The following GSAP variants were observed in gnomAD, a reference collection of about 807,000 sequenced individuals.
GSAP encodes the protein gamma-secretase activating protein.
A neutral mutation model predicts 131.7 loss-of-function variants in GSAP; 118 were observed. The observed-to-expected ratio is 0.90, with a 90% CI of 0.77 to 1.04. The LOEUF is 1.04. GSAP is among the 50% of genes least tolerant of loss of function. The pLI is 0.00. For missense variants in GSAP, 1,019 were observed against 1,013.2 expected (o/e 1.01, Z -0.08); for synonymous variants, 381 against 363.4 (o/e 1.05, Z -0.55).
At chr7:77,405,959 A>G in intron 2 of GSAP, 70 bp downstream of exon 2, 1 of 588,100 alleles carries the variant, frequency 1.7e-6, no homozygotes, top group Non-Finnish European at 2.6e-6. Flanking sequence ...AATTCTGTAA[A>G]AAGAGAATAT....
chr7:77,408,059 A>G (rs1802608132), intron 1 of GSAP, among the ~76,000 whole-genome samples: 1 of 152,238 alleles, frequency 6.6e-6, no homozygotes, highest in Admixed American at 6.5e-5. Context: ...ACAGTGTTAG[A>G]TAAGTGACTG....
At chr7:77,351,751 AACATGTGGCTCAGTCTTTTAAC>A in intron 18 of GSAP, 1 of 983,576 alleles carries the variant, frequency 1.0e-6, no homozygotes, top group Non-Finnish European at 1.2e-6. Flanking sequence ...ACATCCAATT[AACATGTGGCTCAGTCTTTTAAC>A]ACAACCCTGG....
In GSAP at chr7:77,353,889, C is replaced by T. The variant is rs141184338; in HGVS notation, c.1339-248G>A. ...TCTCCTTGGCTGGAAACCAAATAAA[C>T]GTTCCTCAACCTAACGTTTGTGCAA... On this transcript the variant is annotated intron_variant, in intron 16 of 30. Transcript: ENST00000257626. Among the ~76,000 whole-genome samples, 450 of 152,218 alleles carry T rather than the reference C, an allele frequency of 3.0e-3. 4 individuals are homozygous for T. The highest frequency in any genetic ancestry group is 9.8e-3 in the African/African-American group (408 of 41,528).
intron 19 of GSAP, among the ~76,000 whole-genome samples, chr7:77,345,874 C>T (rs938538424): frequency 2.6e-5 from 4 of 152,172 alleles, no homozygotes; most frequent in African/African-American, 4.8e-5. Context: ...CCTGGACGCA[C>T]GTGACATCCC....
At chr7:77,398,336 A>T (rs1800772370) in intron 3 of GSAP, among the ~76,000 whole-genome samples, 1 of 152,208 alleles carries the variant, frequency 6.6e-6, no homozygotes, top group Non-Finnish European at 1.5e-5. Flanking sequence ...ACAGAAAGTG[A>T]ACTTTCAGTT....
chr7:77,389,706 C>A (rs1473041035), intron 5 of GSAP, among the ~76,000 whole-genome samples: 1 of 152,124 alleles, frequency 6.6e-6, no homozygotes, highest in Non-Finnish European at 1.5e-5. Context: ...GGGTTGGTTC[C>A]AAGTCTTTGC....
At chr7:77,345,093 C>T (rs546956007) in intron 19 of GSAP, among the ~76,000 whole-genome samples, 3 of 152,222 alleles carry the variant, frequency 2.0e-5, no homozygotes, top group Non-Finnish European at 4.4e-5. Context: ...CCCTTGGGCA[C>T]TCTCTAATTG....
rs761059780 is a variant in GSAP at position 77,312,127 on chromosome 7, G to A, written c.2347C>T (p.Arg783Ter). The A allele has an allele frequency of 1.3e-5, 21 of 1,598,256 alleles. No homozygotes were observed. The highest frequency in any genetic ancestry group is 2.7e-5 in the African/African-American group (2 of 74,002). The change falls in exon 29 of 31, where the codon CGA becomes TGA. Residue 783 changes from arginine (R) to a stop codon, truncating the protein, a stop_gained. Coordinates refer to ENST00000257626, the MANE Select transcript of GSAP (RefSeq NM_017439.4). LOFTEE classifies it high-confidence loss of function. Reference protein sequence around the residue: ...SNIISRNHVTRLLQNYKKQPR... With the variant: ...SNIISRNHVT ...TGTTTCTTATAGTTCTGAAGCAGTC[G>A]CGTCACGTGGTTCCGCGAAATGATG...
At position 77,347,822 on chromosome 7, in the gene GSAP, T is replaced by G. The variant is rs80233450; in HGVS notation, c.1545+1529A>C. On this transcript the variant is annotated intron_variant, in intron 19 of 30. Transcript: ENST00000257626. ...GGAACTGTAGAATTATGGATGATATTTCTTTCAAAATTTTTCTTCACTGGT... is the reference window on the plus strand; with the variant it reads ...GGAACTGTAGAATTATGGATGATATGTCTTTCAAAATTTTTCTTCACTGGT... Among the ~76,000 whole-genome samples the G allele has an allele frequency of 3.8e-3, 585 of 152,116 alleles. 3 individuals carry two copies. The highest frequency in any genetic ancestry group is 0.013 in the African/African-American group (558 of 41,510).
chr7:77,316,832 C>T (rs1795014908), intron 26 of GSAP, among the ~76,000 whole-genome samples: 1 of 152,168 alleles, frequency 6.6e-6, no homozygotes, highest in South Asian at 2.1e-4. Flanking sequence ...AACTTTAATC[C>T]TCATCTTCCA....
chr7:77,358,208 G>C (rs1027282276), intron 14 of GSAP, among the ~76,000 whole-genome samples: 1 of 152,186 alleles, frequency 6.6e-6, no homozygotes, highest in African/African-American at 2.4e-5. Flanking sequence ...TGGGCATGGC[G>C]GCATGCGCCT....
At chr7:77,384,792 T>G (rs1461889673) in intron 6 of GSAP, among the ~76,000 whole-genome samples, 2 of 152,198 alleles carry the variant, frequency 1.3e-5, no homozygotes, top group Admixed American at 1.3e-4. Flanking sequence ...AAAAGGAAAT[T>G]GATCCCAGGG....
At chr7:77,411,405 A>G (rs1229964159) in intron 1 of GSAP, among the ~76,000 whole-genome samples, 1 of 152,246 alleles carries the variant, frequency 6.6e-6, no homozygotes, top group African/African-American at 2.4e-5. Context: ...GATGTGATCA[A>G]TCCCAACAAG....
chr7:77,396,908 A>T, intron 5 of GSAP, 74 bp downstream of exon 5: 1 of 721,530 alleles, frequency 1.4e-6, no homozygotes, highest in Non-Finnish European at 2.3e-6. Context: ...TTGAAATTTG[A>T]TTTGGTAGTA....
intron 26 of GSAP, among the ~76,000 whole-genome samples, chr7:77,317,759 T>A (rs1787056926): frequency 6.6e-6 from 1 of 152,150 alleles, no homozygotes; most frequent in East Asian, 1.9e-4. Flanking sequence ...AATGAACAAA[T>A]CTAAAACTGT....
At chr7:77,378,527 AAAC>A (rs200032991) in intron 8 of GSAP, among the ~76,000 whole-genome samples, 3,908 of 150,480 alleles carry the variant, frequency 0.026, 158 homozygotes, top group African/African-American at 0.085. Context: ...CAACAAAAAA[AAAC>A]AAAGGCAGAA....
chr7:77,376,465 A>C (rs1281601314), intron 10 of GSAP, among the ~76,000 whole-genome samples: 1 of 152,198 alleles, frequency 6.6e-6, no homozygotes, highest in Non-Finnish European at 1.5e-5. Context: ...GCTTATGATA[A>C]CAATTCTCTT....
At position 77,329,361 on chromosome 7, in the gene GSAP, C is replaced by T. The variant is rs202010434; in HGVS notation, c.1705G>A (p.Val569Met). The T allele has an allele frequency of 1.5e-4, 237 of 1,585,094 alleles. 2 individuals carry two copies. The highest frequency in any genetic ancestry group is 3.0e-5 in the Non-Finnish European group (35 of 1,163,290). Residue 569 changes from valine to methionine, a missense_variant, in exon 21 of 31, where the codon GTG becomes ATG. Coordinates refer to ENST00000257626, the MANE Select transcript of GSAP (RefSeq NM_017439.4). ...KTGKRRSAAY[V>M]RNILDNAVKV... Reference sequence around the variant, plus strand: ...ACTGCATTATCAAGAATATTCCTCACGTATGCCGCAGACCTTCTTTTTCCT... The same window carrying T: ...ACTGCATTATCAAGAATATTCCTCATGTATGCCGCAGACCTTCTTTTTCCT...
chr7:77,377,325 C>A lies in GSAP; in HGVS notation c.642G>T (p.Trp214Cys), dbSNP rs1265815007. 1.3e-6 allele frequency: 2 copies of A among 1,584,718 alleles called. No individual in the cohort carries two copies. The highest frequency in any genetic ancestry group is 2.8e-5 in the African/African-American group (2 of 72,048). ...RIAEDFVWAQWDMSEQRLYYI... is the reference protein window; with the variant it reads ...RIAEDFVWAQCDMSEQRLYYI... ...AATATAATCTCTGTTCTGACATATC[C>A]CACTGAGCCCAAACGAAATCCTCAG... Residue 214 changes from tryptophan (W) to cysteine (C), a missense_variant, in exon 9 of 31, where the codon TGG (tryptophan) becomes TGT (cysteine). By Grantham distance (215) the Trp-to-Cys change is radical (BLOSUM62 -2). Transcript: ENST00000257626.
Sources: gnomAD v4.1 joint callset for allele counts (sites outside exome capture counted in the v4.1 genomes callset) on GRCh38, gnomAD v4.1.1 for gene constraint, MANE v1.5 for transcripts, NCBI Gene and HGNC (gene_info 2026-07-23, HGNC 2026-07-21) for gene names.